Variants in PTPRD observed in about 807,000 individuals in gnomAD.
The protein encoded by PTPRD is protein tyrosine phosphatase receptor type D, also known as receptor-type tyrosine-protein phosphatase delta.
Under a neutral mutation model 214.5 loss-of-function variants are expected in PTPRD, and 34 were observed. The observed-to-expected ratio is 0.16, with a 90% CI of 0.12 to 0.21. The LOEUF (loss-of-function observed/expected upper bound fraction) is 0.21, where lower values mean the gene tolerates loss of function less well. Among genes scored for constraint, PTPRD ranks in the 10% least tolerant of loss-of-function variants. The pLI is 1.00. For synonymous variants in PTPRD, 1,128 were observed against 845.7 expected, an observed-to-expected ratio of 1.33 and a Z score of -5.79; for missense variants, 2,545 against 2,398.7, an observed-to-expected ratio of 1.06 and a Z score of -1.27.
rs557837150 is a variant in PTPRD, at chr9:8,315,883, T to G, written c.*1991A>C. The G allele has an allele frequency of 4.4e-6, 1 of 225,524 alleles. No homozygotes were observed. Among genetic ancestry groups the G allele is most frequent in the Non-Finnish European group, 8.8e-6 (1 of 113,108 alleles). 14.0% of individuals were successfully genotyped at this position (225,524 alleles called of 1,614,324 possible). A position where few individuals can be genotyped will look rare whatever the true frequency, so the allele number is the denominator to read the frequency against. ...AATCATGTAATATGTGGCAAACTTA[T>G]GCCATCATCCATGGCTTCCTATAGA... On this transcript the variant is annotated 3_prime_UTR_variant, in exon 46 of 46. Coordinates refer to ENST00000381196, the MANE Select transcript of PTPRD (RefSeq NM_002839.4).
At position 10,293,697 on chromosome 9, in the gene PTPRD, T is replaced by C. The variant is rs116348551; in HGVS notation, c.-545+47266A>G. Among the ~76,000 whole-genome samples the C allele has an allele frequency of 3.7e-3, 568 of 152,018 alleles. 4 individuals carry two copies. The highest frequency in any genetic ancestry group is 0.013 in the African/African-American group (524 of 41,528). ...AAATTATACATCCATTTTCCAAAGTTTGGGAAAATTCACTGTTAAGTTATA... is the reference window on the plus strand; with the variant it reads ...AAATTATACATCCATTTTCCAAAGTCTGGGAAAATTCACTGTTAAGTTATA... On this transcript the variant is annotated intron_variant, in intron 3 of 45. Transcript: ENST00000381196.
At chr9:9,830,748 G>T (rs930623022) in intron 5 of PTPRD, among the ~76,000 whole-genome samples, 2 of 151,874 alleles carry the variant, frequency 1.3e-5, no homozygotes, top group African/African-American at 4.8e-5. Context: ...CACTGATGTG[G>T]TATCAACAGA....
chr9:8,524,737 G>C (rs1468683298), intron 18 of PTPRD, 188 bp downstream of exon 18: 1 of 732,686 alleles, frequency 1.4e-6, no homozygotes. Context: ...TTATACTCAA[G>C]AGTTGTCTTT....
At chr9:8,403,487 A>G (rs1386508700) in intron 36 of PTPRD, among the ~76,000 whole-genome samples, 4 of 152,226 alleles carry the variant, frequency 2.6e-5, no homozygotes, top group African/African-American at 9.6e-5. Flanking sequence ...CTATTTTCTA[A>G]GGACTTTCCA....
chr9:10,075,039 T>C lies in PTPRD; in HGVS notation c.-544-41249A>G, dbSNP rs2098110871. On this transcript the variant is annotated intron_variant, in intron 3 of 45. Transcript: ENST00000381196. ...TTTGAATAAATCCCAAATTTATAAA[T>C]TCATTCTGTGTGGATTTCATGGAGT... 2.6e-5 allele frequency among the ~76,000 whole-genome samples: 4 copies of C among 152,120 alleles called. No homozygotes were observed. In the South Asian group the frequency reaches 8.3e-4, roughly 32 times the overall value.
intron 3 of PTPRD, among the ~76,000 whole-genome samples, chr9:10,328,896 T>C (rs2096698098): frequency 6.6e-6 from 1 of 151,766 alleles, no homozygotes; most frequent in Admixed American, 6.6e-5. Context: ...CCCAGTTCTT[T>C]CGCACCTTTG....
At chr9:10,272,111 C>T (rs1462839585) in intron 3 of PTPRD, among the ~76,000 whole-genome samples, 1 of 152,096 alleles carries the variant, frequency 6.6e-6, no homozygotes, top group East Asian at 1.9e-4. Context: ...AATCCCTTCC[C>T]AGCAGTAGCC....
At chr9:10,220,676 AT>A (rs2099568008) in intron 3 of PTPRD, among the ~76,000 whole-genome samples, 1 of 151,906 alleles carries the variant, frequency 6.6e-6, no homozygotes, top group African/African-American at 2.4e-5. Flanking sequence ...AGGAGCAAGA[AT>A]GGTGCATTGT....
chr9:8,374,114 C>G (rs1310234043), intron 39 of PTPRD, among the ~76,000 whole-genome samples: 1 of 142,800 alleles, frequency 7.0e-6, no homozygotes. Flanking sequence ...ACACACGTGT[C>G]TGTGTGTGTG....
At chr9:10,436,667 C>G (rs535437587) in intron 2 of PTPRD, among the ~76,000 whole-genome samples, 1 of 151,702 alleles carries the variant, frequency 6.6e-6, no homozygotes, top group South Asian at 2.1e-4. Context: ...TCTTCTAGTG[C>G]TTGAAATAAG....
At chr9:10,185,251 G>C (rs187283551) in intron 3 of PTPRD, among the ~76,000 whole-genome samples, 1 of 152,048 alleles carries the variant, frequency 6.6e-6, no homozygotes, top group Non-Finnish European at 1.5e-5. Flanking sequence ...GTACAAAAGC[G>C]GGTTTTCAAC....
intron 11 of PTPRD, among the ~76,000 whole-genome samples, chr9:8,809,374 G>A (rs781488371): frequency 2.0e-4 from 31 of 152,032 alleles, no homozygotes; most frequent in Non-Finnish European, 4.0e-4. Flanking sequence ...TCTTACAGGT[G>A]GAAAAACGAG....
At chr9:9,782,745 T>C (rs1286117957) in intron 5 of PTPRD, among the ~76,000 whole-genome samples, 1 of 152,178 alleles carries the variant, frequency 6.6e-6, no homozygotes, top group East Asian at 1.9e-4. Context: ...GTCCTCACAG[T>C]TATTATAATA....
chr9:9,547,977 C>G (rs1227980393), intron 8 of PTPRD, among the ~76,000 whole-genome samples: 1 of 151,798 alleles, frequency 6.6e-6, no homozygotes, highest in Non-Finnish European at 1.5e-5. Flanking sequence ...AAATGCAAGA[C>G]AAAGGACAAT....
intron 12 of PTPRD, 97 bp from the exon 13 acceptor site, chr9:8,636,941 C>T (rs2096455060): frequency 3.3e-6 from 4 of 1,197,882 alleles, no homozygotes; most frequent in South Asian, 1.5e-5. Context: ...AACCACACCG[C>T]CATCAAGACA....
Position 8,484,340 on chromosome 9 carries a change from A to G in PTPRD, c.3192T>C (p.Asp1064=). 6.2e-7 allele frequency: 1 copy of G among 1,614,100 alleles called. No homozygotes were observed. The highest frequency in any genetic ancestry group is 8.5e-7 in the Non-Finnish European group (1 of 1,180,008). ...YDDGKMVEEV[D]GRATQKLIVN... The stretch of plus-strand genomic sequence containing the variant: ...CAATTAACTTCTGTGTGGCTCGGCC[A>G]TCCACTTCTTCTACCATTTTCCCAT... The change falls in exon 30 of 46, where the codon GAT becomes GAC. Residue 1064 remains aspartate (D), a synonymous_variant. Transcript: ENST00000381196.
At chr9:9,655,000 T>C (rs901032973) in intron 7 of PTPRD, among the ~76,000 whole-genome samples, 2 of 147,078 alleles carry the variant, frequency 1.4e-5, no homozygotes, top group Non-Finnish European at 3.0e-5. Context: ...AGCATATATA[T>C]ATATAGATAT....
intron 9 of PTPRD, among the ~76,000 whole-genome samples, chr9:9,391,293 T>C (rs1569567926): frequency 6.6e-6 from 1 of 152,178 alleles, no homozygotes; most frequent in Non-Finnish European, 1.5e-5. Context: ...ACTACTCTGA[T>C]TTTTAAATGA....
intron 3 of PTPRD, among the ~76,000 whole-genome samples, chr9:10,231,390 A>G (rs1164052349): frequency 1.3e-5 from 2 of 151,966 alleles, no homozygotes; most frequent in Non-Finnish European, 2.9e-5. Flanking sequence ...ACTTAAGTGG[A>G]AAAAAAGTGC....
Sources: allele counts gnomAD v4.1 joint callset (sites outside exome capture counted in the v4.1 genomes callset), GRCh38; gene constraint gnomAD v4.1.1; transcripts MANE v1.5; gene names NCBI Gene and HGNC (gene_info 2026-07-23, HGNC 2026-07-21).